DTNB: variants seen among roughly 807,000 people sequenced by gnomAD.
The protein encoded by DTNB is dystrobrevin beta.
Under a neutral mutation model 90.7 loss-of-function variants are expected in DTNB, and 63 were observed. The observed-to-expected ratio is 0.69, with a 90% confidence interval of 0.57 to 0.86. The LOEUF (loss-of-function observed/expected upper bound fraction) is 0.86. DTNB is among the 40% of genes least tolerant of loss of function. The pLI, the probability that DTNB is intolerant of heterozygous loss-of-function variation, is 0.00. For synonymous variants in DTNB, 277 were observed against 286.7 expected, an observed-to-expected ratio of 0.97 and a Z score of 0.34; for missense variants, 744 against 807.1, an observed-to-expected ratio of 0.92 and a Z score of 0.95.
chr2:25,392,063 C>A (rs907951350), intron 16 of DTNB, among the ~76,000 whole-genome samples: 4 of 152,038 alleles, frequency 2.6e-5, no homozygotes, highest in Admixed American at 2.0e-4. Flanking sequence ...TAACGAAGAT[C>A]AGAGCAGAAC....
At chr2:25,473,581 T>C (rs899461857) in intron 10 of DTNB, among the ~76,000 whole-genome samples, 13 of 152,094 alleles carry the variant, frequency 8.5e-5, no homozygotes, top group Admixed American at 8.5e-4. Context: ...AAAAGGGGTG[T>C]GTGCGCATGT....
chr2:25,521,725 T>C (rs1052996136), intron 9 of DTNB, among the ~76,000 whole-genome samples: 4 of 152,262 alleles, frequency 2.6e-5, no homozygotes, highest in East Asian at 1.9e-4. Context: ...GTGATTTTCA[T>C]GTAAGTTTCA....
intron 2 of DTNB, among the ~76,000 whole-genome samples, chr2:25,649,161 C>A (rs755381983): frequency 6.6e-6 from 1 of 151,924 alleles, no homozygotes; most frequent in East Asian, 1.9e-4. Flanking sequence ...CCTGCCAGCA[C>A]GCCCAGCTAA....
intron 9 of DTNB, among the ~76,000 whole-genome samples, chr2:25,500,699 G>C (rs2070379816): frequency 6.6e-6 from 1 of 152,068 alleles, no homozygotes; most frequent in Non-Finnish European, 1.5e-5. Flanking sequence ...AGTAGAGTGA[G>C]CACATGCGGA....
chr2:25,526,951 C>A (rs897113269), intron 9 of DTNB, among the ~76,000 whole-genome samples: 1 of 151,886 alleles, frequency 6.6e-6, no homozygotes, highest in African/African-American at 2.4e-5. Flanking sequence ...AAATACAGAC[C>A]ATTTTCCAGA....
intron 8 of DTNB, among the ~76,000 whole-genome samples, chr2:25,561,012 TG>T (rs2058177697): frequency 1.3e-5 from 2 of 152,232 alleles, no homozygotes; most frequent in Non-Finnish European, 1.5e-5. Context: ...AACATTTTAT[TG>T]CCAGTTACTG....
intron 6 of DTNB, among the ~76,000 whole-genome samples, chr2:25,595,853 A>C (rs960638405): frequency 6.6e-6 from 1 of 152,084 alleles, no homozygotes; most frequent in African/African-American, 2.4e-5. Flanking sequence ...TTTCTTTAAA[A>C]TATTTCATTT....
Position 25,397,510 on chromosome 2 carries a change from T to C in DTNB, c.1576-9149A>G, listed in dbSNP as rs1316305719. 2.0e-5 allele frequency among the ~76,000 whole-genome samples: 3 copies of C among 152,026 alleles called. No individual in the cohort carries two copies. In the East Asian group the frequency reaches 5.8e-4, roughly 29 times the overall value. On this transcript the variant is annotated intron_variant, in intron 16 of 20. Coordinates refer to ENST00000406818, the MANE Select transcript of DTNB (RefSeq NM_021907.5). ...AGAATCTCTGAGGGCTGGTTTCGAG[T>C]TTGCCTGGAAATGCCTAGATTAAGT...
chr2:25,512,269 T>C (rs1160655717), intron 9 of DTNB, among the ~76,000 whole-genome samples: 16 of 152,310 alleles, frequency 1.1e-4, no homozygotes, highest in African/African-American at 3.4e-4. Flanking sequence ...AAAGCGTCAG[T>C]AGGACCAGCA....
intron 16 of DTNB, among the ~76,000 whole-genome samples, chr2:25,415,390 G>T (rs1305834985): frequency 6.6e-6 from 1 of 151,738 alleles, no homozygotes; most frequent in South Asian, 2.1e-4. Flanking sequence ...GGGACTACGG[G>T]TGCATGCTAC....
chr2:25,620,747 C>A (rs1015418290), intron 4 of DTNB, among the ~76,000 whole-genome samples: 1 of 152,052 alleles, frequency 6.6e-6, no homozygotes, highest in Non-Finnish European at 1.5e-5. Flanking sequence ...CTGGAGAATC[C>A]CTTGAAGCCA....
At chr2:25,485,778 A>G (rs2065981850) in intron 9 of DTNB, among the ~76,000 whole-genome samples, 1 of 152,060 alleles carries the variant, frequency 6.6e-6, no homozygotes, top group Non-Finnish European at 1.5e-5. Flanking sequence ...AAGGCATAAC[A>G]TGGCCTGGGG....
chr2:25,660,714 A>C (rs998378946), intron 1 of DTNB, among the ~76,000 whole-genome samples: 1 of 152,176 alleles, frequency 6.6e-6, no homozygotes, highest in Non-Finnish European at 1.5e-5. Context: ...GTATAATTCC[A>C]AAACTGCATT....
At chr2:25,552,669 T>C (rs1318280731) in intron 8 of DTNB, among the ~76,000 whole-genome samples, 8 of 152,158 alleles carry the variant, frequency 5.3e-5, no homozygotes, top group Non-Finnish European at 8.8e-5. Flanking sequence ...AAGGGTTTCC[T>C]TTCCTTCCGC....
chr2:25,663,439 G>A (rs1327586437), intron 1 of DTNB, among the ~76,000 whole-genome samples: 1 of 152,194 alleles, frequency 6.6e-6, no homozygotes, highest in East Asian at 1.9e-4. Flanking sequence ...TAATGGGATT[G>A]CTGGGTCAAA....
At chr2:25,384,274 A>G (rs1462237235) in intron 18 of DTNB, among the ~76,000 whole-genome samples, 2 of 152,196 alleles carry the variant, frequency 1.3e-5, no homozygotes, top group African/African-American at 4.8e-5. Flanking sequence ...TGGTGGGGGA[A>G]TACCTAGATT....
At chr2:25,532,840 G>A (rs749215573) in intron 8 of DTNB, among the ~76,000 whole-genome samples, 4 of 152,112 alleles carry the variant, frequency 2.6e-5, no homozygotes, top group Non-Finnish European at 4.4e-5. Flanking sequence ...TCAATGCCAC[G>A]TCCCCAATAG....
At chr2:25,652,942 T>C (rs2081261411) in intron 1 of DTNB, 1 of 278,264 alleles carries the variant, frequency 3.6e-6, no homozygotes, top group Non-Finnish European at 6.7e-6. Flanking sequence ...TTTGATTATT[T>C]TCTCTGCAGA....
chr2:25,401,877 G>A (rs2043822239), intron 16 of DTNB, among the ~76,000 whole-genome samples: 2 of 152,182 alleles, frequency 1.3e-5, no homozygotes, highest in South Asian at 4.1e-4. Context: ...GGTAGCAGAT[G>A]GCCTGTGTGG....
Sources: allele counts gnomAD v4.1 joint callset (sites outside exome capture counted in the v4.1 genomes callset), GRCh38; gene constraint gnomAD v4.1.1; transcripts MANE v1.5; gene names NCBI Gene and HGNC (gene_info 2026-07-23, HGNC 2026-07-21).